The following ACTR6 variants were observed in gnomAD, a reference collection of about 807,000 sequenced individuals.
The protein encoded by ACTR6 is actin-related protein 6.
A neutral mutation model predicts 52.5 loss-of-function variants in ACTR6; 50 were observed. That is an observed-to-expected ratio of 0.95 (90% CI 0.76 to 1.20). ACTR6 has a LOEUF of 1.20. ACTR6 is among the 50% of genes most tolerant of loss of function. The pLI, the probability that ACTR6 is intolerant of heterozygous loss-of-function variation, is 0.00. For synonymous variants in ACTR6, 135 were observed against 147.2 expected (o/e 0.92, Z 0.60); for missense variants, 344 against 472.4 (o/e 0.73, Z 2.52).
intron 6 of ACTR6, among the ~76,000 whole-genome samples, chr12:100,210,666 C>T (rs1346226949): frequency 1.3e-5 from 2 of 150,998 alleles, no homozygotes; most frequent in Non-Finnish European, 1.5e-5. Flanking sequence ...TGCAGTGAGC[C>T]GAGATCGCGC....
In ACTR6 at chr12:100,223,816, A is replaced by G; in HGVS notation, c.1092A>G (p.Lys364=). The G allele has an allele frequency of 6.2e-7, 1 of 1,610,304 alleles. No homozygotes were observed. The highest frequency in any genetic ancestry group is 8.5e-7 in the Non-Finnish European group (1 of 1,178,772). ...TTACTTATGCCTGGGAAGGTGGAAAATTGATATCAGAGAATGATGATTTTG... is the reference window on the plus strand; with the variant it reads ...TTACTTATGCCTGGGAAGGTGGAAAGTTGATATCAGAGAATGATGATTTTG... ...NPITYAWEGG[K]LISENDDFED... The change falls in exon 11 of 11, where the codon AAA becomes AAG. Residue 364 remains lysine, a synonymous_variant. Coordinates refer to ENST00000188312, the MANE Select transcript of ACTR6 (RefSeq NM_022496.5).
In ACTR6 at chr12:100,207,779, A is replaced by G; in HGVS notation, c.372A>G (p.Arg124=). The stretch of plus-strand genomic sequence containing the variant: ...AATACCAGTTTCAAGCAGTATTAAG[A>G]GTAAATGGTGAGTTCAAGTTTTCAC... ...FEEYQFQAVL[R]VNAGALSAHR... is the part of the protein sequence containing the mutation. Residue 124 remains arginine (R), a synonymous_variant, in exon 4 of 11, where the codon AGA becomes AGG. Coordinates refer to ENST00000188312, the MANE Select transcript of ACTR6 (RefSeq NM_022496.5). 1 of 1,596,400 alleles carries G rather than the reference A, an allele frequency of 6.3e-7. No homozygotes were observed. Among genetic ancestry groups the G allele is most frequent in the East Asian group, 2.3e-5 (1 of 44,154 alleles).
intron 6 of ACTR6, 139 bp downstream of exon 6, chr12:100,210,490 G>A: frequency 1.1e-6 from 1 of 893,686 alleles, no homozygotes. Context: ...AGGCCGAGGT[G>A]GGTGCATCAC....
intron 3 of ACTR6, among the ~76,000 whole-genome samples, chr12:100,207,193 A>G (rs565112125): frequency 1.1e-3 from 165 of 152,190 alleles, no homozygotes; most frequent in African/African-American, 3.6e-3. Flanking sequence ...AGCCAGGACT[A>G]CAGGCATGCA....
Position 100,218,619 on chromosome 12 carries a change from T to C in ACTR6, c.922+33T>C. On this transcript the variant is annotated intron_variant, in intron 9 of 10. Transcript: ENST00000188312. The surrounding 1 kb of genome is among the most constrained non-coding windows in gnomAD (Gnocchi z 4.2). ...AATAGAGTAAAATACTAAAGAATTA[T>C]AATTGTTTTAAAAACATCATAAGCC... 3.0e-6 allele frequency: 4 copies of C among 1,339,422 alleles called. No individual in the cohort carries two copies. Among genetic ancestry groups the C allele is most frequent in the Middle Eastern group, 5.2e-4 (2 of 3,840 alleles). 83.0% of individuals were successfully genotyped at this position (1,339,422 alleles called of 1,614,324 possible). A position where few individuals can be genotyped will look rare whatever the true frequency, so the allele number is the denominator to read the frequency against.
Position 100,212,441 on chromosome 12 carries a change from G to C in ACTR6, c.672-9G>C, listed in dbSNP as rs770639325. The C allele has an allele frequency of 3.1e-6, 5 of 1,611,980 alleles. No homozygotes were observed. In the African/African-American group the frequency reaches 6.7e-5, roughly 22 times the overall value. The stretch of plus-strand genomic sequence containing the variant: ...AGAATGTTTCATAAATCTCAATTTT[G>C]TTTTCCAGGTTGAAAGGAGAAGAAA... On this transcript the variant is annotated splice_polypyrimidine_tract_variant and intron_variant, in intron 7 of 10. Transcript: ENST00000188312.
Position 100,212,476 on chromosome 12 carries a change from T to C in ACTR6, c.698T>C (p.Met233Thr), listed in dbSNP as rs1462756812. ...AKLKGEENTV[M>T]IDYVLPDFST... ...TTGAAAGGAGAAGAAAATACAGTAA[T>C]GATAGACTATGTCTTGCCTGACTTC... The change falls in exon 8 of 11, where the codon ATG becomes ACG. Residue 233 changes from methionine (M) to threonine (T), a missense_variant. Physicochemically the swap from Met to Thr is moderately conservative, Grantham distance 81. Coordinates refer to ENST00000188312, the MANE Select transcript of ACTR6 (RefSeq NM_022496.5). The C allele has an allele frequency of 1.2e-6, 2 of 1,613,872 alleles. No individual in the cohort carries two copies. Among genetic ancestry groups the C allele is most frequent in the Admixed American group, 1.7e-5 (1 of 59,986 alleles).
intron 4 of ACTR6, among the ~76,000 whole-genome samples, chr12:100,208,301 A>G (rs1183118448): frequency 6.8e-6 from 1 of 146,064 alleles, no homozygotes; most frequent in African/African-American, 2.5e-5. Flanking sequence ...TTTTTCCGAG[A>G]TGGGGTTCTG....
chr12:100,213,162 C>T (rs2096121345), intron 8 of ACTR6, among the ~76,000 whole-genome samples: 1 of 152,068 alleles, frequency 6.6e-6, no homozygotes, highest in Non-Finnish European at 1.5e-5. Flanking sequence ...GCGATCACAG[C>T]ACTCACTATA....
At chr12:100,212,407 C>T in intron 7 of ACTR6, 43 bp from the exon 8 acceptor site, 11 of 1,592,988 alleles carry the variant, frequency 6.9e-6, no homozygotes, top group Non-Finnish European at 9.5e-6. Flanking sequence ...GGGGATGTTA[C>T]ACATAATTAG....
At position 100,207,796 on chromosome 12, in the gene ACTR6, A is replaced by C. The variant is rs759334457; in HGVS notation, c.379+10A>C. The C allele has an allele frequency of 1.9e-6, 3 of 1,591,004 alleles. No individual in the cohort carries two copies. The highest frequency in any genetic ancestry group is 2.3e-5 in the East Asian group (1 of 43,934). The stretch of plus-strand genomic sequence containing the variant: ...GTATTAAGAGTAAATGGTGAGTTCA[A>C]GTTTTCACTGAAATTGAGTTATATG... On this transcript the variant is annotated intron_variant, in intron 4 of 10. Transcript: ENST00000188312.
chr12:100,220,201 G>T lies in ACTR6; in HGVS notation c.1061+55G>T. ...ATGGAAGTCCACATGTAGAAAAGGT[G>T]GTCTGTTGACTTGAGTTTAAAACCT... On this transcript the variant is annotated intron_variant, in intron 10 of 10. Coordinates refer to ENST00000188312, the MANE Select transcript of ACTR6 (RefSeq NM_022496.5). 5.2e-6 allele frequency: 8 copies of T among 1,549,736 alleles called. No homozygotes were observed. In the East Asian group the frequency reaches 9.1e-5, roughly 18 times the overall value.
At chr12:100,223,513 G>T (rs974676939) in intron 10 of ACTR6, among the ~76,000 whole-genome samples, 2 of 151,930 alleles carry the variant, frequency 1.3e-5, no homozygotes, top group Non-Finnish European at 2.9e-5. Flanking sequence ...AGAATTAGAG[G>T]GTCCATAAAT....
At position 100,218,388 on chromosome 12, in the gene ACTR6, A is replaced by C; in HGVS notation, c.751-27A>C. 2 of 1,591,984 alleles carry C rather than the reference A, an allele frequency of 1.3e-6. No homozygotes were observed. The highest frequency in any genetic ancestry group is 1.7e-6 in the Non-Finnish European group (2 of 1,167,804). ...TCATGTGAGCTAGATAATATAACTT[A>C]AACTTTTAATCTTCTTTGTCTTTAA... is the stretch of plus-strand genomic sequence containing the variant. On this transcript the variant is annotated intron_variant, in intron 8 of 10. Transcript: ENST00000188312. This position sits in a 1 kb window ranked among gnomAD's most constrained non-coding sequence, Gnocchi z 4.2.
In ACTR6 at chr12:100,220,016, C is replaced by G. The variant is rs7487586; in HGVS notation, c.931C>G (p.Pro311Ala). 5 of 1,612,398 alleles carry G rather than the reference C, an allele frequency of 3.1e-6. No individual in the cohort carries two copies. The highest frequency in any genetic ancestry group is 1.3e-5 in the African/African-American group (1 of 74,790). ...CTTTTCTTCTTTTAAAGAAATGCAGCCGCATTTTTTTAAGAACATTGTCTT... is the reference window on the plus strand; with the variant it reads ...CTTTTCTTCTTTTAAAGAAATGCAGGCGCATTTTTTTAAGAACATTGTCTT... ...SIQNLPEEMQ[P>A]HFFKNIVLTG... The change falls in exon 10 of 11, where the codon CCG becomes GCG. Residue 311 changes from proline (P) to alanine (A), a missense_variant. By Grantham distance (27) the Pro-to-Ala change is conservative. Transcript: ENST00000188312.
At position 100,220,176 on chromosome 12, in the gene ACTR6, A is replaced by C. The variant is rs558130781; in HGVS notation, c.1061+30A>C. 3.8e-6 allele frequency: 6 copies of C among 1,591,474 alleles called. No individual in the cohort carries two copies. The South Asian group carries it at 6.8e-5, about 18-fold the overall frequency. On this transcript the variant is annotated intron_variant, in intron 10 of 10. Coordinates refer to ENST00000188312, the MANE Select transcript of ACTR6 (RefSeq NM_022496.5). ...GTGTTGTTTTATATAGAAACGAAAC[A>C]TGGAAGTCCACATGTAGAAAAGGTG...
intron 1 of ACTR6, chr12:100,201,136 AT>A: frequency 7.9e-7 from 1 of 1,264,810 alleles, no homozygotes; most frequent in Non-Finnish European, 1.0e-6. Flanking sequence ...GAAGTGGGAT[AT>A]ATGTTTTATT....
rs2096125748 is a variant in ACTR6 at position 100,218,747 on chromosome 12, C to A, written c.922+161C>A. Among the ~76,000 whole-genome samples, 9 of 151,826 alleles carry A rather than the reference C, an allele frequency of 5.9e-5. No homozygotes were observed. In the South Asian group the frequency reaches 1.9e-3, roughly 31 times the overall value. On this transcript the variant is annotated intron_variant, in intron 9 of 10. Transcript: ENST00000188312. This position sits in a 1 kb window ranked among gnomAD's most constrained non-coding sequence, Gnocchi z 4.2. ...TAATGCATTTATATAATTCTTGATT[C>A]ATCTTTGATTATAAGTTTTTTTTTG...
chr12:100,214,832 G>C (rs1427314397), intron 8 of ACTR6, among the ~76,000 whole-genome samples: 1 of 152,186 alleles, frequency 6.6e-6, no homozygotes, highest in East Asian at 1.9e-4. Context: ...TAGATGATGG[G>C]ATAAGGTTGC....
Sources: allele counts gnomAD v4.1 joint callset (sites outside exome capture counted in the v4.1 genomes callset), GRCh38; gene constraint gnomAD v4.1.1; non-coding constraint Gnocchi (gnomAD v3.1); transcripts MANE v1.5; gene names NCBI Gene and HGNC (gene_info 2026-07-23, HGNC 2026-07-21).